TSPAN1: variants seen among roughly 807,000 people sequenced by gnomAD.
TSPAN1 encodes the protein tetraspanin-1.
In TSPAN1, 23 loss-of-function variants were observed where a neutral mutation model predicts 26.9. That is an observed-to-expected ratio of 0.85 (90% CI 0.62 to 1.21). The LOEUF (loss-of-function observed/expected upper bound fraction) is 1.21, where lower values mean the gene tolerates loss of function less well. Among genes scored for constraint, TSPAN1 ranks in the 50% most tolerant of loss-of-function variants. The pLI, the probability that TSPAN1 is intolerant of heterozygous loss-of-function variation, is 0.00. For synonymous variants in TSPAN1, 115 were observed against 114.8 expected, an observed-to-expected ratio of 1.00 and a Z score of -0.01; for missense variants, 283 against 298.4, an observed-to-expected ratio of 0.95 and a Z score of 0.38.
chr1:46,195,951 T>A, the TSPAN1 span: 1 of 1,614,106 alleles, frequency 6.2e-7, no homozygotes, highest in Admixed American at 1.7e-5. Flanking sequence ...TTCTGGTGAG[T>A]TGGTGTCATC....
At chr1:46,196,061 G>A in the TSPAN1 span, 2 of 1,613,998 alleles carry the variant, frequency 1.2e-6, no homozygotes, top group Non-Finnish European at 1.7e-6. This position sits in a 1 kb window ranked among gnomAD's most constrained non-coding sequence, Gnocchi z 4.4. Flanking sequence ...CTGCTCCCGG[G>A]CCTCATCCTC....
downstream of TSPAN1, chr1:46,189,864 T>C (rs1478943022): frequency 6.2e-7 from 1 of 1,613,872 alleles, no homozygotes; most frequent in Non-Finnish European, 8.5e-7. Context: ...CTTGGCAAGC[T>C]GGGTCCAGGT....
In TSPAN1 at chr1:46,184,434, A is replaced by G; in HGVS notation, c.264+37A>G. ...CCAGCTCCACAGGCTGATGACCAAGAGTCCCCTCGCCCTTGACACCAGGCC... is the reference window on the plus strand; with the variant it reads ...CCAGCTCCACAGGCTGATGACCAAGGGTCCCCTCGCCCTTGACACCAGGCC... On this transcript the variant is annotated intron_variant, in intron 4 of 8. Transcript: ENST00000372003. 2.5e-6 allele frequency: 4 copies of G among 1,613,370 alleles called. No individual in the cohort carries two copies. In the South Asian group the frequency reaches 3.3e-5, roughly 13 times the overall value.
the TSPAN1 span, chr1:46,194,318 A>G: frequency 5.6e-6 from 9 of 1,614,152 alleles, no homozygotes; most frequent in Non-Finnish European, 5.1e-6. Context: ...TTGCAGCTGC[A>G]TACACTTCCA....
At chr1:46,189,370 T>G (rs1431227875), downstream of TSPAN1, 3 of 1,614,052 alleles carry the variant, frequency 1.9e-6, no homozygotes, top group Admixed American at 5.0e-5. Context: ...GGGAAAATAA[T>G]ACAAGAATGT....
chr1:46,177,654 A>G (rs982381802), intron 1 of TSPAN1, among the ~76,000 whole-genome samples: 6 of 152,254 alleles, frequency 3.9e-5, no homozygotes, highest in Non-Finnish European at 5.9e-5. Context: ...GAAAACTGAA[A>G]TAAGAAGACA....
Position 46,185,234 on chromosome 1 carries a change from A to G in TSPAN1, c.604A>G (p.Asn202Asp). 2 of 1,614,136 alleles carry G rather than the reference A, an allele frequency of 1.2e-6. No individual in the cohort carries two copies. Among genetic ancestry groups the G allele is most frequent in the African/African-American group, 1.3e-5 (1 of 75,012 alleles). ...AHDQKVEGCF[N>D]QLLYDIRTNA... is the part of the protein sequence containing the mutation. ...TTTTCTCTTCCTGAAGGGTTGCTTC[A>G]ATCAGCTTTTGTATGACATCCGAAC... The change falls in exon 8 of 9, where the codon AAT (asparagine) becomes GAT (aspartate). Residue 202 changes from asparagine to aspartate, a missense_variant. Transcript: ENST00000372003.
chr1:46,184,649 C>T lies in TSPAN1; in HGVS notation c.320C>T (p.Ala107Val), dbSNP rs778207873. The T allele has an allele frequency of 9.3e-6, 15 of 1,613,976 alleles. No homozygotes were observed. The highest frequency in any genetic ancestry group is 1.3e-5 in the Non-Finnish European group (15 of 1,180,036). The change falls in exon 5 of 9, where the codon GCC becomes GTC. Residue 107 changes from alanine (A) to valine (V), a missense_variant. Physicochemically the swap from Ala to Val is moderately conservative, Grantham distance 64 (BLOSUM62 0). Coordinates refer to ENST00000372003, the MANE Select transcript of TSPAN1 (RefSeq NM_005727.4). ...FIAEVAAAVV[A>V]LVYTTMAEHF... ...GCTGAGGTTGCAGCTGCTGTGGTCG[C>T]CTTGGTGTACACCACAATGGTGAGA... is the stretch of plus-strand genomic sequence containing the variant.
chr1:46,193,561 C>T, the TSPAN1 span: 40 of 1,614,054 alleles, frequency 2.5e-5, no homozygotes, highest in Non-Finnish European at 3.2e-5. Flanking sequence ...AAGTCCTGCT[C>T]ACCTCATAGT....
the TSPAN1 span, chr1:46,192,167 G>A: frequency 2.5e-6 from 4 of 1,614,156 alleles, no homozygotes; most frequent in East Asian, 4.5e-5. Context: ...CAGGGATGAT[G>A]CACTCTCGGC....
At chr1:46,176,780 G>A (rs553338280) in intron 1 of TSPAN1, among the ~76,000 whole-genome samples, 8 of 152,140 alleles carry the variant, frequency 5.3e-5, no homozygotes, top group South Asian at 2.1e-4. Context: ...CACTTACTAC[G>A]TGCCAGACAC....
At chr1:46,176,159 G>A (rs879272903) in intron 1 of TSPAN1, 5 of 1,515,978 alleles carry the variant, frequency 3.3e-6, no homozygotes, top group Non-Finnish European at 4.4e-6. Flanking sequence ...ACAGGCATGA[G>A]CCACCGCACC....
At chr1:46,190,733 T>C (rs1282014120), downstream of TSPAN1, 1 of 1,611,556 alleles carries the variant, frequency 6.2e-7, no homozygotes, top group South Asian at 1.1e-5. Flanking sequence ...TCCACATTCC[T>C]GAGCTGGACA....
In TSPAN1 at chr1:46,185,639, T is replaced by TG; in HGVS notation, c.*109dup. The stretch of plus-strand genomic sequence containing the variant: ...GGGGACAGGATCTAACAATGTCACT[T>TG]GGGCCAGAATGGACCTGCCCTTTCT... On this transcript the variant is annotated 3_prime_UTR_variant, in exon 9 of 9. Transcript: ENST00000372003. 1 of 1,294,922 alleles carries TG rather than the reference T, an allele frequency of 7.7e-7. No homozygotes were observed. The highest frequency in any genetic ancestry group is 1.5e-5 in the African/African-American group (1 of 68,872). The allele number at this position is 1,294,922 out of a possible 1,614,324, so 80.2% of individuals were successfully genotyped here. A position where few individuals can be genotyped will look rare whatever the true frequency, so the allele number is the denominator to read the frequency against.
rs1000071848 is a variant in TSPAN1 at position 46,185,777 on chromosome 1, C to T, written c.*244C>T. The T allele has an allele frequency of 1.7e-6, 1 of 585,838 alleles. No individual in the cohort carries two copies. The highest frequency in any genetic ancestry group is 3.0e-5 in the Admixed American group (1 of 33,198). 36.3% of individuals were successfully genotyped at this position (585,838 alleles called of 1,614,324 possible). A position where few individuals can be genotyped will look rare whatever the true frequency, so the allele number is the denominator to read the frequency against. ...TCCAGAGCCTCTAAGGTAGCCAGTT[C>T]TGTTGCCCATTCCCCCAGTCTATTA... is the stretch of plus-strand genomic sequence containing the variant. On this transcript the variant is annotated 3_prime_UTR_variant, in exon 9 of 9. Transcript: ENST00000372003.
the TSPAN1 span, chr1:46,193,405 C>A: frequency 6.2e-7 from 1 of 1,609,756 alleles, no homozygotes; most frequent in Non-Finnish European, 8.5e-7. Context: ...GACATGGCCA[C>A]TGCTCACCAT....
downstream of TSPAN1, chr1:46,189,913 C>T (rs142895576): frequency 3.0e-5 from 49 of 1,613,970 alleles, no homozygotes; most frequent in African/African-American, 1.5e-4. Flanking sequence ...ATAAAGGCCA[C>T]GTAGGTGTGG....
At position 46,176,412 on chromosome 1, in the gene TSPAN1, G is replaced by A. The variant is rs1478963643; in HGVS notation, c.-142+1003G>A. 6.5e-7 allele frequency: 1 copy of A among 1,535,760 alleles called. No individual in the cohort carries two copies. On this transcript the variant is annotated intron_variant, in intron 1 of 8. Transcript: ENST00000372003. ...GCCTGGGCCAGCCCATACCTGGCCT[G>A]CGGTAGGGGGAACGCATGCCCTGGG...
At chr1:46,176,195 AC>A (rs1213081961) in intron 1 of TSPAN1, 1 of 1,533,210 alleles carries the variant, frequency 6.5e-7, no homozygotes, top group Middle Eastern at 1.7e-4. Context: ...GTTTTTTAAA[AC>A]CCCACCCTGG....
Sources: allele counts gnomAD v4.1 joint callset (sites outside exome capture counted in the v4.1 genomes callset), GRCh38; gene constraint gnomAD v4.1.1; non-coding constraint Gnocchi (gnomAD v3.1); transcripts MANE v1.5; gene names NCBI Gene and HGNC (gene_info 2026-07-23, HGNC 2026-07-21).